The following SLC35D4 variants were observed in gnomAD, a reference collection of about 807,000 sequenced individuals.
SLC35D4 encodes solute carrier family 35 member D4.
chr18:23,272,996 T>C, the SLC35D4 span, among the ~76,000 whole-genome samples: 9 of 152,232 alleles, frequency 5.9e-5, no homozygotes, highest in Non-Finnish European at 1.2e-4. Context: ...TCTGAAACAC[T>C]GCCCAAGCTT....
At chr18:23,334,753 C>G in the SLC35D4 span, among the ~76,000 whole-genome samples, 1 of 152,128 alleles carries the variant, frequency 6.6e-6, no homozygotes, top group Non-Finnish European at 1.5e-5. Context: ...GTAATTCCAG[C>G]ATTTTGTGGG....
At chr18:23,362,713 C>T in the SLC35D4 span, among the ~76,000 whole-genome samples, 283 of 152,302 alleles carry the variant, frequency 1.9e-3, 1 homozygote, top group African/African-American at 6.6e-3. Context: ...GTCAGGAGAC[C>T]TAACCCCAGT....
At chr18:23,353,164 T>G in the SLC35D4 span, among the ~76,000 whole-genome samples, 2 of 150,420 alleles carry the variant, frequency 1.3e-5, no homozygotes, top group African/African-American at 2.4e-5. Context: ...TGCAAATATG[T>G]GCAAGTGGTG....
At chr18:23,423,866 C>G in the SLC35D4 span, among the ~76,000 whole-genome samples, 2 of 152,146 alleles carry the variant, frequency 1.3e-5, no homozygotes, top group Non-Finnish European at 2.9e-5. Flanking sequence ...GACCCCAGCA[C>G]CGGAGCACTG....
the SLC35D4 span, among the ~76,000 whole-genome samples, chr18:23,313,084 G>A: frequency 4.1e-5 from 5 of 121,186 alleles, no homozygotes; most frequent in Non-Finnish European, 6.4e-5. Flanking sequence ...CCGAGATCAC[G>A]CCACTGCACT....
At chr18:23,287,032 C>A in the SLC35D4 span, among the ~76,000 whole-genome samples, 1 of 150,824 alleles carries the variant, frequency 6.6e-6, no homozygotes, top group East Asian at 1.9e-4. Flanking sequence ...CCTTACCCCG[C>A]TCAATACCAA....
At chr18:23,402,200 A>T in the SLC35D4 span, among the ~76,000 whole-genome samples, 1 of 152,228 alleles carries the variant, frequency 6.6e-6, no homozygotes, top group East Asian at 1.9e-4. Context: ...CTAAGAATAC[A>T]TTTGAATCAC....
At chr18:23,411,111 G>A in the SLC35D4 span, among the ~76,000 whole-genome samples, 2 of 150,844 alleles carry the variant, frequency 1.3e-5, no homozygotes, top group Non-Finnish European at 2.9e-5. Context: ...CGGGCCTCTA[G>A]GGAGATACTG....
chr18:23,255,286 C>T, the SLC35D4 span, among the ~76,000 whole-genome samples: 3 of 151,816 alleles, frequency 2.0e-5, no homozygotes, highest in South Asian at 2.1e-4. Context: ...CATCAGAATA[C>T]AGAAAATAAA....
At chr18:23,399,650 G>C in the SLC35D4 span, 1 of 1,613,448 alleles carries the variant, frequency 6.2e-7, no homozygotes, top group Non-Finnish European at 8.5e-7. Flanking sequence ...CATGAGATCT[G>C]AAAAGAGGGG....
chr18:23,421,216 C>A, the SLC35D4 span: 1 of 664,098 alleles, frequency 1.5e-6, no homozygotes, highest in Middle Eastern at 4.4e-4. Flanking sequence ...TGCACCCTAG[C>A]CTGGGAGACA....
At chr18:23,320,320 T>C in the SLC35D4 span, among the ~76,000 whole-genome samples, 2 of 152,248 alleles carry the variant, frequency 1.3e-5, no homozygotes, top group African/African-American at 4.8e-5. Context: ...TAATTTCAGA[T>C]GTATTTTTCA....
At chr18:23,239,634 G>A in the SLC35D4 span, among the ~76,000 whole-genome samples, 1 of 152,192 alleles carries the variant, frequency 6.6e-6, no homozygotes, top group African/African-American at 2.4e-5. Context: ...TTGGGGAACA[G>A]GTATAGAATT....
the SLC35D4 span, among the ~76,000 whole-genome samples, chr18:23,334,077 T>C: frequency 6.6e-6 from 1 of 152,202 alleles, no homozygotes; most frequent in Non-Finnish European, 1.5e-5. Context: ...TTATTATTTT[T>C]CTGTTTTCCT....
At chr18:23,365,504 C>T in the SLC35D4 span, 1 of 1,045,824 alleles carries the variant, frequency 9.6e-7, no homozygotes, top group Non-Finnish European at 1.4e-6. Context: ...ATAGGTGGGA[C>T]CTTCCTGCCC....
chr18:23,240,043 A>G, the SLC35D4 span, among the ~76,000 whole-genome samples: 3 of 152,284 alleles, frequency 2.0e-5, no homozygotes, highest in South Asian at 6.2e-4. Flanking sequence ...GCTTGAACCC[A>G]GGAGGCAGAG....
the SLC35D4 span, among the ~76,000 whole-genome samples, chr18:23,273,186 A>G: frequency 2.0e-5 from 3 of 152,214 alleles, no homozygotes; most frequent in African/African-American, 7.2e-5. Context: ...AGAGAGGGAA[A>G]AGGTGAAATA....
the SLC35D4 span, among the ~76,000 whole-genome samples, chr18:23,412,156 C>T: frequency 6.6e-6 from 1 of 151,968 alleles, no homozygotes; most frequent in African/African-American, 2.4e-5. Flanking sequence ...CCTGTCTCTA[C>T]TAAAAATACG....
the SLC35D4 span, among the ~76,000 whole-genome samples, chr18:23,285,318 C>T: frequency 1.3e-5 from 2 of 151,478 alleles, no homozygotes; most frequent in Non-Finnish European, 2.9e-5. Context: ...CCTTCCATTC[C>T]TCCTTCTTCT....
Sources: gnomAD v4.1 joint callset for allele counts (sites outside exome capture counted in the v4.1 genomes callset) on GRCh38, gnomAD v4.1.1 for gene constraint, MANE v1.5 for transcripts, NCBI Gene and HGNC (gene_info 2026-07-23, HGNC 2026-07-21) for gene names.